Variants in PDE7A observed in about 807,000 individuals in gnomAD.
PDE7A encodes high affinity 3',5'-cyclic-AMP phosphodiesterase 7A.
Under a neutral mutation model 64.3 loss-of-function variants are expected in PDE7A, and 39 were observed. The observed-to-expected ratio is 0.61, with a 90% CI of 0.47 to 0.79. The LOEUF is 0.79. Among genes scored for constraint, PDE7A ranks in the 30% least tolerant of loss-of-function variants. PDE7A has a pLI of 0.00. For synonymous variants in PDE7A, 203 were observed against 206.8 expected, an observed-to-expected ratio of 0.98 and a Z score of 0.16; for missense variants, 470 against 582.8, an observed-to-expected ratio of 0.81 and a Z score of 1.99.
chr8:65,741,758 T>C (rs1272398680), intron 5 of PDE7A, among the ~76,000 whole-genome samples: 2 of 152,242 alleles, frequency 1.3e-5, no homozygotes, highest in Non-Finnish European at 2.9e-5. Flanking sequence ...TTTTAGAATG[T>C]TTATTCATTC....
intron 3 of PDE7A, among the ~76,000 whole-genome samples, chr8:65,762,302 C>T (rs1001511859): frequency 1.3e-5 from 2 of 152,088 alleles, no homozygotes; most frequent in Non-Finnish European, 2.9e-5. Context: ...TACACTTACC[C>T]TACATCTACG....
intron 1 of PDE7A, among the ~76,000 whole-genome samples, chr8:65,799,898 A>G (rs1203623305): frequency 2.6e-5 from 4 of 152,248 alleles, no homozygotes; most frequent in Admixed American, 1.3e-4. Context: ...ACTAAATAGC[A>G]GCCCCTGAAG....
intron 7 of PDE7A, 126 bp downstream of exon 7, chr8:65,734,668 G>C: frequency 1.6e-6 from 1 of 634,388 alleles, no homozygotes; most frequent in Non-Finnish European, 2.9e-6. Flanking sequence ...GATCCAGCTA[G>C]ATCTCATTCT....
At chr8:65,797,491 G>A (rs1374802988) in intron 1 of PDE7A, among the ~76,000 whole-genome samples, 2 of 152,200 alleles carry the variant, frequency 1.3e-5, no homozygotes, top group Non-Finnish European at 2.9e-5. Context: ...GGGGGGCAAG[G>A]CCTTGGCTGA....
At position 65,798,206 on chromosome 8, in the gene PDE7A, A is replaced by ATATATTT; in HGVS notation, c.139-15364_139-15363insAAATATA. Among the ~76,000 whole-genome samples, 69 of 73,800 alleles carry ATATATTT rather than the reference A, an allele frequency of 9.3e-4. 2 individuals carry two copies. Among genetic ancestry groups the ATATATTT allele is most frequent in the Admixed American group, 2.7e-3 (17 of 6,406 alleles). The allele number at this position is 73,800 out of a possible 152,430, so 48.4% of individuals were successfully genotyped here. ...TATATATATATATATATATATATAT[A>ATATATTT]TTTTTTTTTTTTTGAGATGGAGTCT... is the stretch of plus-strand genomic sequence containing the variant. On this transcript the variant is annotated intron_variant, in intron 1 of 12. Transcript: ENST00000401827.
At chr8:65,799,097 G>A (rs1809927599) in intron 1 of PDE7A, among the ~76,000 whole-genome samples, 1 of 152,082 alleles carries the variant, frequency 6.6e-6, no homozygotes. Context: ...GGGGCTGGGG[G>A]GAACCTATGG....
At chr8:65,720,837 T>G (rs1806344602) in intron 12 of PDE7A, among the ~76,000 whole-genome samples, 1 of 152,234 alleles carries the variant, frequency 6.6e-6, no homozygotes, top group Non-Finnish European at 1.5e-5. Context: ...ACTACAGTGT[T>G]ATGTTGAGCC....
chr8:65,773,770 T>C (rs1809179457), intron 3 of PDE7A, among the ~76,000 whole-genome samples: 1 of 152,184 alleles, frequency 6.6e-6, no homozygotes, highest in African/African-American at 2.4e-5. Flanking sequence ...TTAGAGATAC[T>C]TCTAACAATC....
intron 9 of PDE7A, among the ~76,000 whole-genome samples, chr8:65,726,330 AT>A (rs3834875): frequency 4.0e-4 from 60 of 149,768 alleles, no homozygotes; most frequent in Non-Finnish European, 5.5e-4. Flanking sequence ...TAGCCCATTT[AT>A]TTTTTTTTCC....
At chr8:65,822,928 TTATC>T (rs1810577776) in intron 1 of PDE7A, among the ~76,000 whole-genome samples, 1 of 150,858 alleles carries the variant, frequency 6.6e-6, no homozygotes, top group South Asian at 2.1e-4. Flanking sequence ...ACTTATTATC[TTATC>T]TATTAACTTT....
chr8:65,719,058 C>T lies in PDE7A; in HGVS notation c.*232G>A. The stretch of plus-strand genomic sequence containing the variant: ...TCGGATTCTCTCCTGCTGGGCTTTG[C>T]ATATTCAAGGTTTCACATGAAAGCC... On this transcript the variant is annotated 3_prime_UTR_variant, in exon 13 of 13. Transcript: ENST00000401827. 1 of 551,940 alleles carries T rather than the reference C, an allele frequency of 1.8e-6. No homozygotes were observed. 34.2% of individuals were successfully genotyped at this position (551,940 alleles called of 1,614,324 possible).
At chr8:65,817,356 C>A (rs66537647) in intron 1 of PDE7A, among the ~76,000 whole-genome samples, 17,183 of 152,174 alleles carry the variant, frequency 0.11, 1,040 homozygotes, top group Non-Finnish European at 0.14. Context: ...AACACATTTA[C>A]ATTAACAGAC....
At chr8:65,795,178 G>C (rs576353430) in intron 1 of PDE7A, among the ~76,000 whole-genome samples, 2 of 152,340 alleles carry the variant, frequency 1.3e-5, no homozygotes, top group East Asian at 3.9e-4. Context: ...ATTGTTTTCA[G>C]ATGTTAGACA....
At chr8:65,834,009 G>T (rs781758752) in intron 1 of PDE7A, among the ~76,000 whole-genome samples, 5 of 152,064 alleles carry the variant, frequency 3.3e-5, no homozygotes, top group African/African-American at 7.2e-5. Context: ...CTGCCATATA[G>T]GAGTTACTCC....
chr8:65,761,714 C>T (rs1460234430), intron 3 of PDE7A, among the ~76,000 whole-genome samples: 1 of 152,216 alleles, frequency 6.6e-6, no homozygotes, highest in East Asian at 1.9e-4. Context: ...GTATTACTTC[C>T]AGTTAATGAT....
At chr8:65,738,934 T>C (rs1346670275) in intron 6 of PDE7A, among the ~76,000 whole-genome samples, 1 of 152,232 alleles carries the variant, frequency 6.6e-6, no homozygotes, top group Non-Finnish European at 1.5e-5. Context: ...ATTTCCTGTA[T>C]CTGTGGCTCT....
At chr8:65,800,739 G>T (rs565644385) in intron 1 of PDE7A, among the ~76,000 whole-genome samples, 9 of 152,182 alleles carry the variant, frequency 5.9e-5, no homozygotes, top group African/African-American at 1.9e-4. Flanking sequence ...CCAGAAAGAC[G>T]CCACTTTGAA....
At chr8:65,788,337 G>C (rs907924948) in intron 1 of PDE7A, among the ~76,000 whole-genome samples, 1 of 152,170 alleles carries the variant, frequency 6.6e-6, no homozygotes, top group Non-Finnish European at 1.5e-5. Context: ...CTGACATTTA[G>C]AATTCAACTT....
intron 1 of PDE7A, among the ~76,000 whole-genome samples, chr8:65,822,941 T>TTATC (rs149238076): frequency 0.11 from 16,913 of 148,874 alleles, 1,060 homozygotes; most frequent in African/African-American, 0.18. Context: ...TCTATTAACT[T>TTATC]TATCTATCTA....
Sources: gnomAD v4.1 joint callset for allele counts (sites outside exome capture counted in the v4.1 genomes callset) on GRCh38, gnomAD v4.1.1 for gene constraint, MANE v1.5 for transcripts, NCBI Gene and HGNC (gene_info 2026-07-23, HGNC 2026-07-21) for gene names.